The following MAOA variants were observed in gnomAD, a reference collection of about 807,000 sequenced individuals.
MAOA encodes the protein monoamine oxidase A.
A neutral mutation model predicts 42.0 loss-of-function variants in MAOA; 6 were observed. The observed-to-expected ratio is 0.14, with a 90% CI of 0.08 to 0.28. The LOEUF is 0.28. Among genes scored for constraint, MAOA ranks in the 10% least tolerant of loss-of-function variants. The pLI is 1.00. For missense variants in MAOA, 262 were observed against 422.3 expected, an observed-to-expected ratio of 0.62 and a Z score of 3.33; for synonymous variants, 140 against 154.0, an observed-to-expected ratio of 0.91 and a Z score of 0.67.
intron 5 of MAOA, among the ~76,000 whole-genome samples, chrX:43,726,555 T>A (rs957662948): frequency 8.9e-6 from 1 of 112,237 alleles, no homozygotes; most frequent in African/African-American, 3.2e-5. Context: ...ACACTGGTTA[T>A]TCTAGTTAGC....
chrX:43,670,945 G>C (rs1257610668), intron 1 of MAOA, among the ~76,000 whole-genome samples: 1 of 106,455 alleles, frequency 9.4e-6, no homozygotes, highest in Non-Finnish European at 1.9e-5. Flanking sequence ...ATAGTCCTTT[G>C]GGTATATACC....
intron 10 of MAOA, among the ~76,000 whole-genome samples, chrX:43,739,536 G>A (rs185405712): frequency 9.7e-4 from 109 of 112,052 alleles, no homozygotes; most frequent in African/African-American, 3.5e-3. Flanking sequence ...GAAATTGGGG[G>A]CATGTCTTTA....
chrX:43,705,843 A>G (rs757168260), intron 3 of MAOA, among the ~76,000 whole-genome samples: 3 of 112,592 alleles, frequency 2.7e-5, no homozygotes, highest in Admixed American at 1.9e-4. Flanking sequence ...CACATGATCA[A>G]TAAGCATCTG....
At chrX:43,700,035 G>T (rs1443662654) in intron 3 of MAOA, among the ~76,000 whole-genome samples, 2 of 112,212 alleles carry the variant, frequency 1.8e-5, no homozygotes, top group Non-Finnish European at 3.8e-5. Context: ...TCAAGAAGCG[G>T]AAAGTGTGAA....
At chrX:43,719,206 A>G (rs964961969) in intron 5 of MAOA, among the ~76,000 whole-genome samples, 5 of 110,775 alleles carry the variant, frequency 4.5e-5, no homozygotes, top group African/African-American at 1.6e-4. Flanking sequence ...AGATGTGGTT[A>G]TATCATCTCG....
chrX:43,677,039 G>T (rs1038540112), intron 1 of MAOA, among the ~76,000 whole-genome samples: 5 of 111,234 alleles, frequency 4.5e-5, no homozygotes, highest in Non-Finnish European at 9.4e-5. Flanking sequence ...GTCTAATTGA[G>T]GAATTTCTTA....
intron 9 of MAOA, 82 bp downstream of exon 9, chrX:43,732,877 A>C: frequency 4.7e-6 from 3 of 641,139 alleles, no homozygotes; most frequent in Non-Finnish European, 8.0e-6. Flanking sequence ...ATTACTTTGG[A>C]ATTAAGTTCA....
chrX:43,683,002 T>C (rs2033456093), intron 1 of MAOA, among the ~76,000 whole-genome samples: 1 of 111,942 alleles, frequency 8.9e-6, no homozygotes, highest in South Asian at 3.7e-4. Flanking sequence ...ACTTAGAAAC[T>C]AGTGAAGGAA....
chrX:43,656,303 A>G lies in MAOA; in HGVS notation c.-39A>G, dbSNP rs1337081169. 1 of 1,168,585 alleles carries G rather than the reference A, an allele frequency of 8.6e-7. No homozygotes were observed. Among genetic ancestry groups the G allele is most frequent in the South Asian group, 1.8e-5 (1 of 55,900 alleles). On this transcript the variant is annotated 5_prime_UTR_variant, in exon 1 of 15. Coordinates refer to ENST00000338702, the MANE Select transcript of MAOA (RefSeq NM_000240.4). ...GTCCTTCCCACCCTTTGCCGTCCCCACTCCTGTGCCTACGACCCAGGAGCG... is the reference window on the plus strand; with the variant it reads ...GTCCTTCCCACCCTTTGCCGTCCCCGCTCCTGTGCCTACGACCCAGGAGCG...
chrX:43,676,010 T>C lies in MAOA; in HGVS notation c.74-7503T>C, dbSNP rs753107461. Among the ~76,000 whole-genome samples, 5 of 112,438 alleles carry C rather than the reference T, an allele frequency of 4.4e-5. No individual in the cohort carries two copies. The South Asian group carries it at 1.8e-3, about 41-fold the overall frequency. ...GGACATTTAAGTCTGCAGAGGTTAC[T>C]GCTGTCTTTTTGTTTGTCTGTGCCC... On this transcript the variant is annotated intron_variant, in intron 1 of 14. Coordinates refer to ENST00000338702, the MANE Select transcript of MAOA (RefSeq NM_000240.4).
chrX:43,714,067 T>G (rs2033719021), intron 5 of MAOA, among the ~76,000 whole-genome samples: 1 of 110,892 alleles, frequency 9.0e-6, no homozygotes, highest in African/African-American at 3.3e-5. Flanking sequence ...GCAGATGGTA[T>G]GATCTAAGAA....
intron 1 of MAOA, among the ~76,000 whole-genome samples, chrX:43,665,144 G>C (rs911821690): frequency 2.7e-5 from 3 of 111,973 alleles, no homozygotes; most frequent in African/African-American, 9.7e-5. Flanking sequence ...GTTCACCTAG[G>C]ACCTTGCCTT....
At chrX:43,734,108 T>G (rs911100330) in intron 9 of MAOA, among the ~76,000 whole-genome samples, 2 of 107,220 alleles carry the variant, frequency 1.9e-5, no homozygotes, top group Non-Finnish European at 3.8e-5. Flanking sequence ...GATATAGTGA[T>G]GTCTTCTGCT....
chrX:43,742,775 A>G (rs1350111900), intron 12 of MAOA, among the ~76,000 whole-genome samples: 1 of 112,397 alleles, frequency 8.9e-6, no homozygotes, highest in Non-Finnish European at 1.9e-5. Context: ...TGTTGCCTCC[A>G]TAGATGGCAT....
intron 3 of MAOA, among the ~76,000 whole-genome samples, chrX:43,695,965 T>G (rs995796200): frequency 8.9e-6 from 1 of 111,778 alleles, no homozygotes; most frequent in African/African-American, 3.3e-5. Context: ...ATTACATATC[T>G]TAAGTGTTAG....
At chrX:43,739,949 C>G (rs753986774) in intron 10 of MAOA, among the ~76,000 whole-genome samples, 1 of 111,950 alleles carries the variant, frequency 8.9e-6, no homozygotes, top group Non-Finnish European at 1.9e-5. Flanking sequence ...TATTTCGTTT[C>G]AAAAAGAGTT....
At chrX:43,720,905 TG>T (rs202129334) in intron 5 of MAOA, among the ~76,000 whole-genome samples, 7,560 of 110,039 alleles carry the variant, frequency 0.069, 311 homozygotes, top group African/African-American at 0.15. Context: ...TCAGAGTCAG[TG>T]GGGACATGTG....
At chrX:43,689,801 G>T (rs972992622) in intron 2 of MAOA, among the ~76,000 whole-genome samples, 5 of 110,669 alleles carry the variant, frequency 4.5e-5, no homozygotes, top group Admixed American at 9.7e-5. Context: ...CTCCAATCTG[G>T]GTCCTAAACT....
chrX:43,676,596 C>T (rs1445761364), intron 1 of MAOA, among the ~76,000 whole-genome samples: 2 of 111,649 alleles, frequency 1.8e-5, no homozygotes, highest in African/African-American at 3.3e-5. Flanking sequence ...GGCTGCCCTC[C>T]AGTCTCTGAA....
Sources: allele counts gnomAD v4.1 joint callset (sites outside exome capture counted in the v4.1 genomes callset), GRCh38; gene constraint gnomAD v4.1.1; transcripts MANE v1.5; gene names NCBI Gene and HGNC (gene_info 2026-07-23, HGNC 2026-07-21).